ATCAY: variants seen among roughly 807,000 people sequenced by gnomAD.
ATCAY encodes ATCAY kinesin light chain interacting caytaxin.
ATCAY carries 22 observed loss-of-function variants against 47.7 expected under a neutral mutation model. The observed-to-expected ratio is 0.46, with a 90% CI of 0.33 to 0.66. The LOEUF (loss-of-function observed/expected upper bound fraction) is 0.66, where lower values mean the gene tolerates loss of function less well. ATCAY is among the 30% of genes least tolerant of loss of function. ATCAY has a pLI of 0.02. For synonymous variants in ATCAY, 216 were observed against 207.6 expected (o/e 1.04, Z -0.35); for missense variants, 452 against 515.0 (o/e 0.88, Z 1.18).
At position 3,893,018 on chromosome 19, in the gene ATCAY, C is replaced by T. The variant is rs551458464; in HGVS notation, c.77+7174C>T. On this transcript the variant is annotated intron_variant, in intron 2 of 12. Transcript: ENST00000450849. The stretch of plus-strand genomic sequence containing the variant: ...AGACCCAATCTGGGACCACTCATTG[C>T]ATCAGGTTGAGTATACTGGGTTGTG... 2.0e-5 allele frequency among the ~76,000 whole-genome samples: 3 copies of T among 152,236 alleles called. No homozygotes were observed. The South Asian group carries it at 6.2e-4, about 32-fold the overall frequency.
intron 12 of ATCAY, chr19:3,922,067 A>G: frequency 2.9e-6 from 2 of 680,290 alleles, no homozygotes; most frequent in African/African-American, 3.5e-5. Flanking sequence ...AGTGCTGCCA[A>G]CTAGAGAAGC....
At chr19:3,883,278 G>C (rs1379046883) in intron 1 of ATCAY, among the ~76,000 whole-genome samples, 3 of 152,078 alleles carry the variant, frequency 2.0e-5, no homozygotes, top group African/African-American at 7.2e-5. Context: ...AGAGGTGGAG[G>C]TTGCAGTGAG....
chr19:3,900,902 T>C (rs1240063035), intron 2 of ATCAY, among the ~76,000 whole-genome samples: 1 of 128,214 alleles, frequency 7.8e-6, no homozygotes, highest in East Asian at 2.8e-4. Context: ...CATCTTTTTT[T>C]TTTTTTTTTT....
intron 2 of ATCAY, among the ~76,000 whole-genome samples, chr19:3,886,904 G>C (rs1003884517): frequency 6.6e-6 from 1 of 151,678 alleles, no homozygotes; most frequent in Non-Finnish European, 1.5e-5. Context: ...AGTAGAGACC[G>C]GATTTCACCA....
chr19:3,923,062 C>G (rs946153640), intron 12 of ATCAY, among the ~76,000 whole-genome samples: 1 of 152,110 alleles, frequency 6.6e-6, no homozygotes, highest in African/African-American at 2.4e-5. Context: ...CAGTTTTATA[C>G]AAATCTATAA....
chr19:3,888,817 A>G (rs1435408492), intron 2 of ATCAY, among the ~76,000 whole-genome samples: 2 of 152,078 alleles, frequency 1.3e-5, no homozygotes, highest in African/African-American at 4.8e-5. Context: ...CTTCCTTCCC[A>G]TTCATGTCCA....
At position 3,907,902 on chromosome 19, in the gene ATCAY, A is replaced by G. The variant is rs2145247658; in HGVS notation, c.527A>G (p.Lys176Arg). 6.2e-7 allele frequency: 1 copy of G among 1,613,788 alleles called. No homozygotes were observed. Among genetic ancestry groups the G allele is most frequent in the East Asian group, 2.2e-5 (1 of 44,872 alleles). Residue 176 changes from lysine (K) to arginine (R), a missense_variant, in exon 5 of 13, where the codon AAA becomes AGA. Lys to Arg is a conservative substitution (Grantham distance 26, BLOSUM62 2). Coordinates refer to ENST00000450849, the MANE Select transcript of ATCAY (RefSeq NM_033064.5). This position sits in a 1 kb window ranked among gnomAD's most constrained non-coding sequence, Gnocchi z 5.1. ...IDLHMIRPYM[K>R]VVTHGGYYGE... The stretch of plus-strand genomic sequence containing the variant: ...CTGCACATGATCCGGCCTTACATGA[A>G]AGTGGTCACCCACGGAGGTGAGACC...
rs371358607 is a variant in ATCAY, at chr19:3,907,889, C to T, written c.514C>T (p.Arg172Trp). ...QEHRIDLHMI[R>W]PYMKVVTHGG... ...GCACCGTATAGACCTGCACATGATC[C>T]GGCCTTACATGAAAGTGGTCACCCA... Residue 172 changes from arginine to tryptophan, a missense_variant, in exon 5 of 13, where the codon CGG becomes TGG. Physicochemically the swap from Arg to Trp is moderately radical, Grantham distance 101. Coordinates refer to ENST00000450849, the MANE Select transcript of ATCAY (RefSeq NM_033064.5). This position sits in a 1 kb window ranked among gnomAD's most constrained non-coding sequence, Gnocchi z 5.1. 6.2e-6 allele frequency: 10 copies of T among 1,613,890 alleles called. No homozygotes were observed. Among genetic ancestry groups the T allele is most frequent in the African/African-American group, 2.7e-5 (2 of 75,058 alleles).
At chr19:3,899,308 CTTTT>C (rs146410703) in intron 2 of ATCAY, among the ~76,000 whole-genome samples, 4 of 106,930 alleles carry the variant, frequency 3.7e-5, no homozygotes, top group Admixed American at 1.1e-4. Flanking sequence ...GGGAATAAAT[CTTTT>C]TTTTTTTTTT....
In ATCAY at chr19:3,925,794, G is replaced by A. The variant is rs1285108567; in HGVS notation, c.*1202G>A. On this transcript the variant is annotated 3_prime_UTR_variant, in exon 13 of 13. Coordinates refer to ENST00000450849, the MANE Select transcript of ATCAY (RefSeq NM_033064.5). The surrounding 1 kb of genome is among the most constrained non-coding windows in gnomAD (Gnocchi z 4.4). ...GGCCGAGGCAGGCGGATCACCTGAG[G>A]TGAGGAGTTTGAGAACAGCCTGGCC... 6.6e-6 allele frequency: 1 copy of A among 152,222 alleles called. No homozygotes were observed. The highest frequency in any genetic ancestry group is 1.5e-5 in the Non-Finnish European group (1 of 68,084). 9.4% of individuals were successfully genotyped at this position (152,222 alleles called of 1,614,324 possible). A position where few individuals can be genotyped will look rare whatever the true frequency, so the allele number is the denominator to read the frequency against.
chr19:3,906,076 C>G (rs1448998821), intron 4 of ATCAY, among the ~76,000 whole-genome samples: 1 of 148,694 alleles, frequency 6.7e-6, no homozygotes, highest in African/African-American at 2.5e-5. Flanking sequence ...GAGGCTGAGG[C>G]AGGAGAACGG....
chr19:3,909,693 C>T, intron 7 of ATCAY, 76 bp downstream of exon 7: 2 of 1,531,972 alleles, frequency 1.3e-6, no homozygotes, highest in Non-Finnish European at 1.8e-6. Context: ...TGGCTCACAC[C>T]TGGAATCCCA....
intron 2 of ATCAY, among the ~76,000 whole-genome samples, chr19:3,895,943 C>A (rs371203164): frequency 1.3e-5 from 2 of 152,146 alleles, no homozygotes; most frequent in African/African-American, 4.8e-5. Context: ...TCTCGAACTC[C>A]TAGTCTCAAG....
intron 2 of ATCAY, among the ~76,000 whole-genome samples, chr19:3,892,225 C>T (rs921897258): frequency 2.0e-5 from 3 of 148,516 alleles, no homozygotes; most frequent in African/African-American, 7.5e-5. Flanking sequence ...TTTTTCCAGA[C>T]GGGGTCTTGC....
intron 2 of ATCAY, chr19:3,895,198 G>T (rs1464260981): frequency 2.2e-6 from 1 of 456,090 alleles, no homozygotes; most frequent in Admixed American, 2.4e-5. Flanking sequence ...AAACTGTCAG[G>T]TAAGAGCTAA....
At chr19:3,884,558 CTGTT>C (rs957805833) in intron 1 of ATCAY, among the ~76,000 whole-genome samples, 21 of 152,062 alleles carry the variant, frequency 1.4e-4, no homozygotes, top group African/African-American at 3.6e-4. Context: ...GTATGAATGA[CTGTT>C]TGGATTTCTT....
intron 6 of ATCAY, among the ~76,000 whole-genome samples, chr19:3,908,588 C>T (rs1341595682): frequency 6.6e-6 from 1 of 151,074 alleles, no homozygotes; most frequent in Non-Finnish European, 1.5e-5. Flanking sequence ...CGTCCTCCTC[C>T]TCCTCCTCTT....
At chr19:3,885,128 A>C (rs61273815) in intron 1 of ATCAY, among the ~76,000 whole-genome samples, 4,410 of 149,538 alleles carry the variant, frequency 0.029, 152 homozygotes, top group South Asian at 0.16. Flanking sequence ...AAAAAAAAAA[A>C]AAAAAAACAG....
In ATCAY at chr19:3,907,152, A is replaced by C. The variant is rs547505683; in HGVS notation, c.359-582A>C. 6.6e-6 allele frequency among the ~76,000 whole-genome samples: 1 copy of C among 151,704 alleles called. No homozygotes were observed. Among genetic ancestry groups the C allele is most frequent in the Non-Finnish European group, 1.5e-5 (1 of 67,954 alleles). ...CTCTCAAAAAAAAAAAAGAAAGAAAAAAAAAAATTAAGGACAATGTAGTGG... is the reference window on the plus strand; with the variant it reads ...CTCTCAAAAAAAAAAAAGAAAGAAACAAAAAAATTAAGGACAATGTAGTGG... On this transcript the variant is annotated intron_variant, in intron 4 of 12. Coordinates refer to ENST00000450849, the MANE Select transcript of ATCAY (RefSeq NM_033064.5). This position sits in a 1 kb window ranked among gnomAD's most constrained non-coding sequence, Gnocchi z 5.1.
Sources: gnomAD v4.1 joint callset for allele counts (sites outside exome capture counted in the v4.1 genomes callset) on GRCh38, gnomAD v4.1.1 for gene constraint, Gnocchi (gnomAD v3.1) non-coding constraint, MANE v1.5 for transcripts, NCBI Gene and HGNC (gene_info 2026-07-23, HGNC 2026-07-21) for gene names.